The following R3HDM1 variants were observed in gnomAD, a reference collection of about 807,000 sequenced individuals.
R3HDM1 encodes R3H domain-containing protein 1.
R3HDM1 carries 46 observed loss-of-function variants against 141.1 expected under a neutral mutation model. That is an observed-to-expected ratio of 0.33 (90% CI 0.26 to 0.42). The LOEUF is 0.42. Ranked by LOEUF, R3HDM1 falls within the 10% of genes least tolerant of loss-of-function variation. The pLI is 1.00. For synonymous variants in R3HDM1, 435 were observed against 472.9 expected, an observed-to-expected ratio of 0.92 and a Z score of 1.04; for missense variants, 1,184 against 1,368.3, an observed-to-expected ratio of 0.87 and a Z score of 2.12.
intron 24 of R3HDM1, 94 bp from the exon 25 acceptor site, chr2:135,721,830 C>T (rs773190597): frequency 4.2e-5 from 43 of 1,026,646 alleles, no homozygotes; most frequent in South Asian, 6.8e-5. Flanking sequence ...TTAAGTAATC[C>T]GCCTGCCTCA....
chr2:135,650,364 A>T (rs1330242274), intron 17 of R3HDM1: 2 of 984,828 alleles, frequency 2.0e-6, no homozygotes, highest in African/African-American at 3.5e-5. Context: ...TTTTCTCCCC[A>T]ACACTGTAGC....
chr2:135,602,299 CCT>C (rs2059690298), intron 1 of R3HDM1, among the ~76,000 whole-genome samples, 199 bp from the exon 2 acceptor site: 1 of 152,108 alleles, frequency 6.6e-6, no homozygotes, highest in African/African-American at 2.4e-5. Context: ...ACTAATCAAT[CCT>C]CTCGGCCTCA....
intron 21 of R3HDM1, among the ~76,000 whole-genome samples, chr2:135,693,167 A>T (rs2072707719): frequency 6.6e-6 from 1 of 152,238 alleles, no homozygotes; most frequent in African/African-American, 2.4e-5. Context: ...AGCACAATGG[A>T]TTTATTTTGG....
At chr2:135,708,811 T>C (rs1415649079) in intron 21 of R3HDM1, among the ~76,000 whole-genome samples, 1 of 151,844 alleles carries the variant, frequency 6.6e-6, no homozygotes, top group East Asian at 1.9e-4. Flanking sequence ...ATGCAAAAAG[T>C]AGCCGGGTGT....
intron 1 of R3HDM1, among the ~76,000 whole-genome samples, chr2:135,576,743 C>T (rs558970255): frequency 2.6e-5 from 4 of 152,168 alleles, no homozygotes; most frequent in East Asian, 3.9e-4. Flanking sequence ...TGAAATAAAG[C>T]AGTCACAAAA....
In R3HDM1 at chr2:135,621,509, CAGT is replaced by C. The variant is rs1220411621; in HGVS notation, c.320_322del (p.Gln107del). 13 of 1,578,058 alleles carry C rather than the reference CAGT, an allele frequency of 8.2e-6. No homozygotes were observed. Among genetic ancestry groups the C allele is most frequent in the Non-Finnish European group, 1.0e-5 (12 of 1,164,486 alleles). ...CTTCCAACAGGAGAAAATTCAGATCCAGTTAACACAATCATTTGAGAAAGAAGA... is the reference window on the plus strand; with the variant it reads ...CTTCCAACAGGAGAAAATTCAGATCCTAACACAATCATTTGAGAAAGAAGA... On this transcript the variant is annotated inframe_deletion, in exon 6 of 27. Transcript: ENST00000683871.
chr2:135,665,392 G>C (rs1335958608), intron 19 of R3HDM1: 1 of 530,604 alleles, frequency 1.9e-6, no homozygotes, highest in Non-Finnish European at 3.9e-6. Context: ...AATTGGCCTT[G>C]TTCCTGAGCT....
intron 19 of R3HDM1, among the ~76,000 whole-genome samples, chr2:135,673,964 A>G (rs775502968): frequency 2.7e-4 from 41 of 152,220 alleles, no homozygotes; most frequent in Non-Finnish European, 4.1e-4. Flanking sequence ...AGATTTGGCC[A>G]TGTTGCCCAG....
intron 19 of R3HDM1, 118 bp from the exon 20 acceptor site, chr2:135,675,214 T>TA: frequency 9.6e-7 from 1 of 1,041,770 alleles, no homozygotes; most frequent in Non-Finnish European, 1.4e-6. Context: ...TTTAGGGGCT[T>TA]ACCATTTAAT....
At chr2:135,661,528 A>G in intron 19 of R3HDM1, 135 bp downstream of exon 19, 1 of 1,137,718 alleles carries the variant, frequency 8.8e-7, no homozygotes. Flanking sequence ...TTTGCAAACC[A>G]ATGAGATTAA....
At chr2:135,598,165 C>T (rs555384027) in intron 1 of R3HDM1, among the ~76,000 whole-genome samples, 17 of 152,244 alleles carry the variant, frequency 1.1e-4, no homozygotes, top group African/African-American at 3.4e-4. Flanking sequence ...AAGCTACTGC[C>T]TTCTCATTGT....
intron 1 of R3HDM1, among the ~76,000 whole-genome samples, chr2:135,572,323 CAA>C (rs529907065): frequency 3.9e-5 from 6 of 152,080 alleles, no homozygotes; most frequent in Non-Finnish European, 8.8e-5. Context: ...TCTTATGACT[CAA>C]TAGTAAAGAC....
intron 19 of R3HDM1, among the ~76,000 whole-genome samples, chr2:135,665,062 T>C (rs2067288170): frequency 6.6e-6 from 1 of 152,224 alleles, no homozygotes; most frequent in African/African-American, 2.4e-5. Context: ...TAATAGAGAA[T>C]TGGTTTGTAA....
At chr2:135,659,613 T>C (rs1455517585) in intron 18 of R3HDM1, among the ~76,000 whole-genome samples, 2 of 151,978 alleles carry the variant, frequency 1.3e-5, no homozygotes, top group Non-Finnish European at 2.9e-5. Flanking sequence ...AATTTTTTAA[T>C]TTTCAGTAGT....
chr2:135,569,977 C>T (rs1300398301), intron 1 of R3HDM1, among the ~76,000 whole-genome samples: 3 of 152,110 alleles, frequency 2.0e-5, no homozygotes, highest in African/African-American at 4.8e-5. Context: ...CTGTCCGCCT[C>T]GGCCTCCCAA....
intron 1 of R3HDM1, among the ~76,000 whole-genome samples, chr2:135,556,001 A>G (rs1018940493): frequency 6.6e-6 from 1 of 152,102 alleles, no homozygotes; most frequent in Non-Finnish European, 1.5e-5. Flanking sequence ...GTGCAGTGGA[A>G]CAAGACCCTG....
chr2:135,651,835 C>A lies in R3HDM1; in HGVS notation c.1831C>A (p.Gln611Lys). 6.2e-7 allele frequency: 1 copy of A among 1,614,174 alleles called. No individual in the cohort carries two copies. The highest frequency in any genetic ancestry group is 8.5e-7 in the Non-Finnish European group (1 of 1,180,034). The change falls in exon 18 of 27, where the codon CAG (glutamine) becomes AAG (lysine). Residue 611 changes from glutamine (Q) to lysine (K), a missense_variant. Physicochemically the swap from Gln to Lys is moderately conservative, Grantham distance 53. Around this residue, in one of 5 missense-constraint regions of R3HDM1, gnomAD observed 563 missense variants for 562.0 expected, o/e 1.00. Coordinates refer to ENST00000683871, the MANE Select transcript of R3HDM1 (RefSeq NM_001378107.1). ...CATGTTCCAGTCCACTGTGGTTCTT[C>A]AGTCTCCACAGCAGTCTGGTTATAT... ...AAMFQSTVVLQSPQQSGYIMT... is the reference protein window; with the variant it reads ...AAMFQSTVVLKSPQQSGYIMT...
intron 1 of R3HDM1, among the ~76,000 whole-genome samples, chr2:135,555,874 G>T (rs1172666115): frequency 6.6e-6 from 1 of 152,066 alleles, no homozygotes; most frequent in Non-Finnish European, 1.5e-5. Flanking sequence ...AAATTAGCTG[G>T]GCATGGTGGC....
chr2:135,558,594 A>G lies in R3HDM1; in HGVS notation c.-250+26961A>G, dbSNP rs1451713603. Among the ~76,000 whole-genome samples, 4 of 152,230 alleles carry G rather than the reference A, an allele frequency of 2.6e-5. No individual in the cohort carries two copies. The East Asian group carries it at 7.7e-4, about 29-fold the overall frequency. ...TGTTAGTCTTTATTGTCATTGTTAT[A>G]TCACTACCTTAGAATGGGAGCTAAA... On this transcript the variant is annotated intron_variant, in intron 1 of 26. Coordinates refer to ENST00000683871, the MANE Select transcript of R3HDM1 (RefSeq NM_001378107.1).
Sources: gnomAD v4.1 joint callset for allele counts (sites outside exome capture counted in the v4.1 genomes callset) on GRCh38, gnomAD v4.1.1 for gene constraint, gnomAD v4.1.1 regional missense constraint, MANE v1.5 for transcripts, NCBI Gene and HGNC (gene_info 2026-07-23, HGNC 2026-07-21) for gene names.